The following CCDC171 variants were observed in gnomAD, a reference collection of about 807,000 sequenced individuals.
CCDC171 encodes the protein coiled-coil domain containing 171, also known as coiled-coil domain-containing protein 171.
CCDC171 carries 177 observed loss-of-function variants against 168.2 expected under a neutral mutation model. The ratio of observed to expected loss-of-function variants is 1.05; its 90% CI spans 0.93 to 1.19. The LOEUF (loss-of-function observed/expected upper bound fraction) is 1.19, where lower values mean the gene tolerates loss of function less well. Among genes scored for constraint, CCDC171 ranks in the 50% most tolerant of loss-of-function variants. The probability of loss-of-function intolerance (pLI) is 0.00; values close to 1 mark genes in which losing one functional copy is unlikely to be tolerated. For missense variants in CCDC171, 1,991 were observed against 1,539.0 expected (o/e 1.29, Z -4.91); for synonymous variants, 687 against 540.8 (o/e 1.27, Z -3.75).
chr9:15,867,876 A>G (rs985983611), intron 23 of CCDC171, among the ~76,000 whole-genome samples: 1 of 152,044 alleles, frequency 6.6e-6, no homozygotes, highest in African/African-American at 2.4e-5. Context: ...AAATAGCTCA[A>G]GGTCAAAGCA....
intron 24 of CCDC171, among the ~76,000 whole-genome samples, chr9:15,894,562 C>T (rs1195908802): frequency 8.6e-5 from 13 of 152,032 alleles, no homozygotes; most frequent in Admixed American, 3.9e-4. Flanking sequence ...GATCTGGGCC[C>T]TGCTGCTCTC....
chr9:16,043,588 CA>C (rs1488018130), intron 1 of CCDC171, among the ~76,000 whole-genome samples: 4 of 152,214 alleles, frequency 2.6e-5, no homozygotes, highest in African/African-American at 9.6e-5. Context: ...GGCTCAGCAC[CA>C]AAAGGGCCAC....
At chr9:15,578,727 T>A in intron 3 of CCDC171, 122 bp from the exon 4 acceptor site, 1 of 582,776 alleles carries the variant, frequency 1.7e-6, no homozygotes, top group South Asian at 3.5e-5. Flanking sequence ...TCAGAATATA[T>A]AAATTTATAA....
Position 15,938,631 on chromosome 9 carries a change from C to G in CCDC171, c.3753+18209C>G, listed in dbSNP as rs1256350896. ...GAAGTTTGGATATATTGCATTTGTT[C>G]TTAAGATTCTATGTTAGCTGAGAAA... On this transcript the variant is annotated intron_variant, in intron 25 of 25. Transcript: ENST00000380701. Among the ~76,000 whole-genome samples the G allele has an allele frequency of 2.6e-5, 4 of 151,890 alleles. No individual in the cohort carries two copies. The East Asian group carries it at 7.8e-4, about 30-fold the overall frequency.
intron 1 of CCDC171, among the ~76,000 whole-genome samples, chr9:15,556,334 G>A (rs187439905): frequency 5.9e-5 from 9 of 152,218 alleles, no homozygotes; most frequent in Non-Finnish European, 1.3e-4. Context: ...CACAATGGTT[G>A]AACTAGTTTA....
At chr9:15,671,626 G>A (rs1587867125) in intron 9 of CCDC171, among the ~76,000 whole-genome samples, 1 of 150,692 alleles carries the variant, frequency 6.6e-6, no homozygotes, top group South Asian at 2.1e-4. Context: ...TTCTGTCCTT[G>A]TGATAGTTTG....
intron 2 of CCDC171, among the ~76,000 whole-genome samples, chr9:15,570,764 T>G (rs1382975461): frequency 6.6e-6 from 1 of 152,216 alleles, no homozygotes; most frequent in African/African-American, 2.4e-5. Flanking sequence ...CAAGTAGTGT[T>G]AAAACTCTAG....
intron 25 of CCDC171, among the ~76,000 whole-genome samples, chr9:15,942,744 A>C (rs1827871069): frequency 6.6e-6 from 1 of 151,920 alleles, no homozygotes; most frequent in African/African-American, 2.4e-5. Context: ...GATTGTCCTT[A>C]TGTGTTGACA....
Position 15,723,680 on chromosome 9 carries a change from G to A in CCDC171, c.1426-1G>A. 2 of 1,591,362 alleles carry A rather than the reference G, an allele frequency of 1.3e-6. No homozygotes were observed. Among genetic ancestry groups the A allele is most frequent in the Non-Finnish European group, 8.6e-7 (1 of 1,167,006 alleles). On this transcript the variant is annotated splice_acceptor_variant, in intron 12 of 25. Transcript: ENST00000380701. LOFTEE classifies it high-confidence loss of function. ...AGCTAAACAGCATGAATGATGTTAA[G>A]GAAAAGGCATGTAATGAACTTGATT...
intron 16 of CCDC171, among the ~76,000 whole-genome samples, chr9:15,733,376 C>T (rs1019990206): frequency 2.6e-5 from 4 of 151,744 alleles, no homozygotes; most frequent in African/African-American, 7.3e-5. Flanking sequence ...TTATAGGCAC[C>T]ATTTTTTTCC....
At chr9:15,942,103 A>G (rs1396146508) in intron 25 of CCDC171, among the ~76,000 whole-genome samples, 2 of 151,888 alleles carry the variant, frequency 1.3e-5, no homozygotes, top group African/African-American at 4.8e-5. Flanking sequence ...ATCCTCTTGT[A>G]TAATTATAAC....
intron 11 of CCDC171, among the ~76,000 whole-genome samples, chr9:15,716,900 A>C (rs2053126201): frequency 6.6e-6 from 1 of 152,174 alleles, no homozygotes; most frequent in African/African-American, 2.4e-5. Flanking sequence ...TGGAGGACAT[A>C]TTCAAATCAT....
chr9:15,830,643 T>C (rs2060192209), intron 21 of CCDC171, among the ~76,000 whole-genome samples: 1 of 152,180 alleles, frequency 6.6e-6, no homozygotes, highest in Non-Finnish European at 1.5e-5. Context: ...AAAAAGGAGA[T>C]AGGAAAACTC....
At chr9:16,007,527 T>C (rs1832742059) in intron 3 of CCDC171, among the ~76,000 whole-genome samples, 1 of 152,226 alleles carries the variant, frequency 6.6e-6, no homozygotes. Flanking sequence ...TCCTGAATGG[T>C]ATTTCATAGG....
At chr9:16,028,879 A>G (rs757828660) in intron 6 of CCDC171, among the ~76,000 whole-genome samples, 5 of 152,126 alleles carry the variant, frequency 3.3e-5, no homozygotes, top group Non-Finnish European at 5.9e-5. Context: ...AGTCTAAGGC[A>G]CTTCCAACCA....
chr9:16,034,520 G>C (rs557779553), intron 6 of CCDC171, among the ~76,000 whole-genome samples: 1 of 152,270 alleles, frequency 6.6e-6, no homozygotes, highest in East Asian at 1.9e-4. Flanking sequence ...AGACACTGTT[G>C]GGAGTGCAAC....
chr9:15,794,476 C>G (rs1297243549), intron 21 of CCDC171, among the ~76,000 whole-genome samples: 10 of 151,348 alleles, frequency 6.6e-5, no homozygotes, highest in Non-Finnish European at 1.3e-4. Context: ...CCCCCACCCC[C>G]CCACCAAAAA....
intron 18 of CCDC171, among the ~76,000 whole-genome samples, chr9:15,755,031 T>C (rs2056012669): frequency 6.6e-6 from 1 of 152,160 alleles, no homozygotes; most frequent in South Asian, 2.1e-4. Context: ...AAGGAGAAGT[T>C]TATTCTCTGA....
chr9:15,951,301 C>A (rs1021293827), intron 25 of CCDC171, among the ~76,000 whole-genome samples: 8 of 151,346 alleles, frequency 5.3e-5, no homozygotes, highest in African/African-American at 1.5e-4. Context: ...AACTCTCCAC[C>A]CGAAATCAAC....
Sources: allele counts gnomAD v4.1 joint callset (sites outside exome capture counted in the v4.1 genomes callset), GRCh38; gene constraint gnomAD v4.1.1; transcripts MANE v1.5; gene names NCBI Gene and HGNC (gene_info 2026-07-23, HGNC 2026-07-21).